The following CSMD1 variants were observed in gnomAD, a reference collection of about 807,000 sequenced individuals.
CSMD1 encodes the protein CUB and Sushi multiple domains 1.
CSMD1 carries 213 observed loss-of-function variants against 417.5 expected under a neutral mutation model. That is an observed-to-expected ratio of 0.51 (90% confidence interval 0.46 to 0.57). The LOEUF (loss-of-function observed/expected upper bound fraction) is 0.57. Among genes scored for constraint, CSMD1 ranks in the 20% least tolerant of loss-of-function variants. CSMD1 has a pLI of 0.00. For missense variants in CSMD1, 6,923 were observed against 4,529.7 expected (o/e 1.53, Z -15.17); for synonymous variants, 2,862 against 1,736.8 (o/e 1.65, Z -16.11).
chr8:3,754,749 C>T (rs1188622301), intron 5 of CSMD1, among the ~76,000 whole-genome samples: 1 of 152,204 alleles, frequency 6.6e-6, no homozygotes, highest in Non-Finnish European at 1.5e-5. Flanking sequence ...GCCACGGCGC[C>T]CGGCCACAAG....
intron 5 of CSMD1, among the ~76,000 whole-genome samples, chr8:3,832,314 ATGATGT>A (rs1166657716): frequency 2.0e-5 from 3 of 152,176 alleles, no homozygotes; most frequent in African/African-American, 7.2e-5. Context: ...TTAAAACGCA[ATGATGT>A]TCCTTGTTCA....
intron 1 of CSMD1, among the ~76,000 whole-genome samples, chr8:4,922,620 A>G (rs192246744): frequency 1.4e-4 from 21 of 152,318 alleles, no homozygotes; most frequent in Admixed American, 1.4e-3. Flanking sequence ...TATGCAGATA[A>G]CAAGAAACAA....
At position 3,586,220 on chromosome 8, in the gene CSMD1, C is replaced by T. The variant is rs752956753; in HGVS notation, c.1138G>A (p.Val380Met). Residue 380 changes from valine to methionine, a missense_variant, in exon 9 of 70, where the codon GTG (valine) becomes ATG (methionine). Coordinates refer to ENST00000635120, the MANE Select transcript of CSMD1 (RefSeq NM_033225.6). ...NVQFSCEDNY[V>M]LQGSKSITCQ... ...GTGATGCTTTTAGATCCCTGGAGCA[C>T]GTAATTGTCCTCACATGAAAACTGT... The T allele has an allele frequency of 5.0e-6, 8 of 1,610,766 alleles. No individual in the cohort carries two copies. The highest frequency in any genetic ancestry group is 2.7e-5 in the African/African-American group (2 of 74,198).
intron 3 of CSMD1, among the ~76,000 whole-genome samples, chr8:4,287,260 A>T (rs1183769668): frequency 6.6e-6 from 1 of 152,164 alleles, no homozygotes; most frequent in African/African-American, 2.4e-5. Flanking sequence ...TCCCCCTCAC[A>T]TTCCTTGAAT....
At chr8:3,309,985 G>A (rs1010406753) in intron 23 of CSMD1, among the ~76,000 whole-genome samples, 7 of 152,008 alleles carry the variant, frequency 4.6e-5, no homozygotes, top group East Asian at 1.9e-4. Context: ...TTATTTTTAC[G>A]ATAACCCTGA....
chr8:4,466,205 A>G (rs1214709946), intron 2 of CSMD1, among the ~76,000 whole-genome samples: 3 of 152,186 alleles, frequency 2.0e-5, no homozygotes, highest in African/African-American at 7.2e-5. Flanking sequence ...TGATGCTTTT[A>G]TAATAGTGAG....
intron 7 of CSMD1, among the ~76,000 whole-genome samples, chr8:3,696,072 G>C (rs1055521216): frequency 3.9e-5 from 6 of 152,076 alleles, no homozygotes; most frequent in African/African-American, 1.4e-4. Context: ...TTTCTTATGG[G>C]GGACAGGGAA....
chr8:4,281,561 G>C (rs1032138277), intron 3 of CSMD1, among the ~76,000 whole-genome samples: 55 of 152,148 alleles, frequency 3.6e-4, no homozygotes, highest in African/African-American at 1.3e-3. Flanking sequence ...TGTGACAAAT[G>C]AGACTGTTCT....
intron 26 of CSMD1, among the ~76,000 whole-genome samples, chr8:3,240,614 C>A (rs985571992): frequency 1.3e-5 from 2 of 151,834 alleles, no homozygotes; most frequent in Admixed American, 6.6e-5. Context: ...ATCTGCTGAG[C>A]CTGATGGGTG....
intron 12 of CSMD1, among the ~76,000 whole-genome samples, chr8:3,411,830 ATATG>A (rs1433014083): frequency 1.1e-5 from 1 of 94,970 alleles, no homozygotes; most frequent in Non-Finnish European, 2.3e-5. Flanking sequence ...GTATATGTAT[ATATG>A]CACGTATATA....
intron 3 of CSMD1, among the ~76,000 whole-genome samples, chr8:4,243,950 C>T (rs1208722110): frequency 6.6e-6 from 1 of 152,152 alleles, no homozygotes; most frequent in Non-Finnish European, 1.5e-5. Context: ...CAACTACAAT[C>T]ATCAGTAGCA....
chr8:3,739,218 C>G (rs1185498723), intron 6 of CSMD1, among the ~76,000 whole-genome samples: 3 of 152,188 alleles, frequency 2.0e-5, no homozygotes, highest in African/African-American at 4.8e-5. Context: ...CTCCTGTCCT[C>G]AAACTTTTGT....
In CSMD1 at chr8:4,927,014, T is replaced by C. The variant is rs181626250; in HGVS notation, c.85+67318A>G. 2.0e-3 allele frequency among the ~76,000 whole-genome samples: 298 copies of C among 151,980 alleles called. 9 individuals are homozygous for C. In the East Asian group the frequency reaches 0.026, roughly 13 times the overall value. On this transcript the variant is annotated intron_variant, in intron 1 of 69. Transcript: ENST00000635120. Reference sequence around the variant, plus strand: ...TTATAAAGATTCAAAGCAGTAGACATCCCGTATCTAAAAGACATGCTTCAG... The same window carrying C: ...TTATAAAGATTCAAAGCAGTAGACACCCCGTATCTAAAAGACATGCTTCAG...
At chr8:4,813,741 C>A (rs116492262) in intron 1 of CSMD1, among the ~76,000 whole-genome samples, 2,180 of 152,256 alleles carry the variant, frequency 0.014, 45 homozygotes, top group African/African-American at 0.049. Context: ...TACCGACATA[C>A]AGACTTTAAG....
At chr8:4,050,631 T>A (rs946339443) in intron 3 of CSMD1, among the ~76,000 whole-genome samples, 3 of 152,116 alleles carry the variant, frequency 2.0e-5, no homozygotes, top group African/African-American at 7.2e-5. Context: ...CCTGCGGTGC[T>A]ATCAAATACT....
At chr8:4,328,735 C>G (rs1377611014) in intron 3 of CSMD1, among the ~76,000 whole-genome samples, 2 of 152,078 alleles carry the variant, frequency 1.3e-5, no homozygotes, top group Non-Finnish European at 2.9e-5. Flanking sequence ...CTTTACTGTT[C>G]TTGTTTTATC....
intron 3 of CSMD1, among the ~76,000 whole-genome samples, chr8:4,158,787 T>C (rs192055674): frequency 1.7e-4 from 26 of 152,314 alleles, no homozygotes; most frequent in African/African-American, 6.3e-4. Flanking sequence ...GTTGGGATTT[T>C]AGAACTTTCC....
chr8:4,200,219 G>T (rs969448547), intron 3 of CSMD1, among the ~76,000 whole-genome samples: 1 of 152,026 alleles, frequency 6.6e-6, no homozygotes, highest in Admixed American at 6.6e-5. Flanking sequence ...ATGAAATTCT[G>T]GCCAGCATTT....
chr8:4,154,278 T>A lies in CSMD1; in HGVS notation c.416-122179A>T, dbSNP rs542334040. Among the ~76,000 whole-genome samples, 3 of 152,270 alleles carry A rather than the reference T, an allele frequency of 2.0e-5. No individual in the cohort carries two copies. The East Asian group carries it at 5.8e-4, about 29-fold the overall frequency. ...GCAAACAGTAATGCTAAAAAATAAA[T>A]AAATAAATAAGATGTTTCTGTTCTC... On this transcript the variant is annotated intron_variant, in intron 3 of 69. Transcript: ENST00000635120.
Sources: allele counts gnomAD v4.1 joint callset (sites outside exome capture counted in the v4.1 genomes callset), GRCh38; gene constraint gnomAD v4.1.1; transcripts MANE v1.5; gene names NCBI Gene and HGNC (gene_info 2026-07-23, HGNC 2026-07-21).